The following ROCK1 variants were observed in gnomAD, a reference collection of about 807,000 sequenced individuals.
ROCK1 encodes Rho associated coiled-coil containing protein kinase 1, also known as rho-associated protein kinase 1.
A neutral mutation model predicts 196.8 loss-of-function variants in ROCK1; 36 were observed. That is an observed-to-expected ratio of 0.18 (90% CI 0.14 to 0.24). ROCK1 has a LOEUF of 0.24. Among genes scored for constraint, ROCK1 ranks in the 10% least tolerant of loss-of-function variants. ROCK1 has a pLI of 1.00. For synonymous variants in ROCK1, 443 were observed against 515.9 expected (o/e 0.86, Z 1.91); for missense variants, 920 against 1,562.0 (o/e 0.59, Z 6.93).
chr18:20,992,903 A>G lies in ROCK1; in HGVS notation c.1920T>C (p.His640=), dbSNP rs1325813196. 6.2e-6 allele frequency: 10 copies of G among 1,612,450 alleles called. No homozygotes were observed. The highest frequency in any genetic ancestry group is 6.8e-6 in the Non-Finnish European group (8 of 1,178,922). The change falls in exon 17 of 33, where the codon CAT becomes CAC. Residue 640 remains histidine (H), a synonymous_variant. Coordinates refer to ENST00000399799, the MANE Select transcript of ROCK1 (RefSeq NM_005406.3). ...CCACTTTTTCGAGATTATGTTTGAGATGCTTCACCTCCTCTTGTAAAGATG... is the reference window on the plus strand; with the variant it reads ...CCACTTTTTCGAGATTATGTTTGAGGTGCTTCACCTCCTCTTGTAAAGATG... The part of the protein sequence containing the change: ...RITSLQEEVK[H]LKHNLEKVEG...
intron 1 of ROCK1, among the ~76,000 whole-genome samples, chr18:21,072,462 T>C (rs1310776367): frequency 6.6e-6 from 1 of 152,140 alleles, no homozygotes; most frequent in Non-Finnish European, 1.5e-5. Context: ...TTTAATGCAG[T>C]GGAAAAGCTG....
intron 10 of ROCK1, among the ~76,000 whole-genome samples, chr18:21,027,238 C>T (rs935121874): frequency 2.6e-5 from 4 of 152,198 alleles, no homozygotes; most frequent in South Asian, 2.1e-4. Context: ...CGTGCCTGGC[C>T]GAGATTTCTA....
intron 25 of ROCK1, 189 bp downstream of exon 25, chr18:20,968,583 G>C: frequency 1.9e-6 from 1 of 535,724 alleles, no homozygotes; most frequent in Non-Finnish European, 3.3e-6. Flanking sequence ...TGGGATTACA[G>C]GCATGAGCCA....
At chr18:21,087,266 C>CA (rs890054389) in intron 1 of ROCK1, among the ~76,000 whole-genome samples, 49 of 151,816 alleles carry the variant, frequency 3.2e-4, no homozygotes, top group African/African-American at 1.2e-3. Flanking sequence ...AACACAGATA[C>CA]AAAAAACAGG....
Position 21,020,183 on chromosome 18 carries a change from C to T in ROCK1, c.1329G>A (p.Met443Ile), listed in dbSNP as rs781042450. The T allele has an allele frequency of 2.5e-6, 4 of 1,598,800 alleles. No homozygotes were observed. The highest frequency in any genetic ancestry group is 1.1e-5 in the South Asian group (1 of 88,520). The change falls in exon 12 of 33, where the codon ATG (methionine) becomes ATA (isoleucine). Residue 443 changes from methionine to isoleucine, a missense_variant. Met to Ile is a conservative substitution (Grantham distance 10, BLOSUM62 1). Coordinates refer to ENST00000399799, the MANE Select transcript of ROCK1 (RefSeq NM_005406.3). ...YKLEEQLHNE[M>I]QLKDEMEQKC... ...TCTGCTCCATTTCATCTTTTAACTG[C>T]ATTTCATTATGCAGCTGTTCTTCCA...
chr18:21,110,785 C>G (rs2036744015), intron 1 of ROCK1, 33 bp downstream of exon 1: 1 of 1,564,328 alleles, frequency 6.4e-7, no homozygotes, highest in Admixed American at 1.7e-5. Flanking sequence ...CATGCAAAAC[C>G]CCAGACAAGC....
chr18:20,953,014 C>G (rs1036819986), intron 32 of ROCK1, among the ~76,000 whole-genome samples: 1 of 151,992 alleles, frequency 6.6e-6, no homozygotes, highest in East Asian at 1.9e-4. Context: ...AGGAGAAATA[C>G]CTAATGTAGA....
Position 21,047,655 on chromosome 18 carries a change from G to A in ROCK1, c.414+1437C>T, listed in dbSNP as rs567316817. On this transcript the variant is annotated intron_variant, in intron 4 of 32. Coordinates refer to ENST00000399799, the MANE Select transcript of ROCK1 (RefSeq NM_005406.3). ...AAAATACAAAAAATAATAGCCGGGC[G>A]TGGTGGCAGGCACCTGTCGTCCCAG... 7.9e-5 allele frequency among the ~76,000 whole-genome samples: 12 copies of A among 152,054 alleles called. No individual in the cohort carries two copies. In the East Asian group the frequency reaches 9.7e-4, roughly 12 times the overall value.
At chr18:20,955,279 A>C (rs1236633288) in intron 29 of ROCK1, 34 bp from the exon 30 acceptor site, 1 of 1,559,840 alleles carries the variant, frequency 6.4e-7, no homozygotes, top group Non-Finnish European at 8.7e-7. Flanking sequence ...CATTTACAAA[A>C]ACTCATTTAT....
intron 14 of ROCK1, among the ~76,000 whole-genome samples, chr18:21,007,056 T>G (rs758420896): frequency 6.6e-6 from 1 of 152,278 alleles, no homozygotes; most frequent in South Asian, 2.1e-4. Flanking sequence ...AGATCACTGA[T>G]AGTATACTTA....
At chr18:21,026,115 C>T (rs768594444) in intron 10 of ROCK1, among the ~76,000 whole-genome samples, 2 of 151,918 alleles carry the variant, frequency 1.3e-5, no homozygotes, top group Non-Finnish European at 2.9e-5. Flanking sequence ...TTTCAGAAAC[C>T]AAGTCAAAGA....
Position 20,991,258 on chromosome 18 carries a change from C to T in ROCK1, c.2061G>A (p.Glu687=), listed in dbSNP as rs1239727724. ...LKSLQQRLEQ[E]VNEHKVTKAR... is the part of the protein sequence containing the mutation. ...CTTTGGTTACTTTGTGTTCATTTAC[C>T]TCTTGTTCTAACCGTTGTTGTAATG... is the stretch of plus-strand genomic sequence containing the variant. The change falls in exon 18 of 33, where the codon GAG becomes GAA. Residue 687 remains glutamate, a synonymous_variant. Transcript: ENST00000399799. The T allele has an allele frequency of 1.9e-6, 3 of 1,609,762 alleles. No homozygotes were observed. The highest frequency in any genetic ancestry group is 2.5e-6 in the Non-Finnish European group (3 of 1,176,886).
intron 1 of ROCK1, among the ~76,000 whole-genome samples, chr18:21,098,651 T>C (rs1466138899): frequency 1.5e-5 from 2 of 132,812 alleles, no homozygotes; most frequent in Non-Finnish European, 3.2e-5. Flanking sequence ...AAAAAAAAAA[T>C]CTGCATTTTA....
At chr18:21,033,356 G>A (rs902420045) in intron 9 of ROCK1, among the ~76,000 whole-genome samples, 3 of 152,106 alleles carry the variant, frequency 2.0e-5, no homozygotes, top group Non-Finnish European at 4.4e-5. Flanking sequence ...GGACATTAAT[G>A]AAAATCCCAC....
chr18:20,973,045 A>G (rs2143368992), intron 22 of ROCK1, among the ~76,000 whole-genome samples: 1 of 151,606 alleles, frequency 6.6e-6, no homozygotes, highest in East Asian at 2.0e-4. Flanking sequence ...ACGCCCAGCT[A>G]ATTTTGTATT....
chr18:20,961,760 TG>T (rs775161281), intron 27 of ROCK1, among the ~76,000 whole-genome samples: 25 of 151,864 alleles, frequency 1.6e-4, no homozygotes, highest in Non-Finnish European at 2.9e-4. Flanking sequence ...ATGGAGGAAA[TG>T]GTGAGGTAAC....
intron 12 of ROCK1, among the ~76,000 whole-genome samples, chr18:21,017,465 C>G (rs1478996251): frequency 6.6e-6 from 1 of 151,224 alleles, no homozygotes; most frequent in African/African-American, 2.4e-5. Flanking sequence ...GCTGGGATTA[C>G]AGGCATGAGC....
intron 13 of ROCK1, 90 bp from the exon 14 acceptor site, chr18:21,008,284 GAAA>G: frequency 1.4e-6 from 1 of 719,452 alleles, no homozygotes. Flanking sequence ...CAAAAAACAA[GAAA>G]AAAAAAAAGA....
rs554468009 is a variant in ROCK1, at chr18:21,081,844, C to T, written c.94-11231G>A. On this transcript the variant is annotated intron_variant, in intron 1 of 32. Transcript: ENST00000399799. ...AGTCAGAATACACCAATAACTGTAA[C>T]AAGTAAGAAGACAGAAATGGTAATA... Among the ~76,000 whole-genome samples the T allele has an allele frequency of 4.6e-5, 7 of 152,296 alleles. No individual in the cohort carries two copies. In the South Asian group the frequency reaches 1.2e-3, roughly 27 times the overall value.
Sources: allele counts gnomAD v4.1 joint callset (sites outside exome capture counted in the v4.1 genomes callset), GRCh38; gene constraint gnomAD v4.1.1; transcripts MANE v1.5; gene names NCBI Gene and HGNC (gene_info 2026-07-23, HGNC 2026-07-21).